Variants in GRID1 observed in about 807,000 individuals in gnomAD.
GRID1 encodes glutamate receptor ionotropic, delta-1.
In GRID1, 28 loss-of-function variants were observed where a neutral mutation model predicts 98.0. The observed-to-expected ratio is 0.29, with a 90% CI of 0.21 to 0.39. The LOEUF is 0.39. GRID1 is among the 10% of genes least tolerant of loss of function. The pLI, the probability that GRID1 is intolerant of heterozygous loss-of-function variation, is 1.00. For missense variants in GRID1, 1,111 were observed against 1,340.5 expected (o/e 0.83, Z 2.67); for synonymous variants, 553 against 538.5 (o/e 1.03, Z -0.37).
intron 8 of GRID1, among the ~76,000 whole-genome samples, chr10:85,782,106 A>C (rs1340973663): frequency 6.6e-6 from 1 of 152,250 alleles, no homozygotes; most frequent in East Asian, 1.9e-4. Flanking sequence ...ACATTTTTAA[A>C]ATGTTTACAA....
chr10:85,921,698 G>A (rs1704131250), intron 4 of GRID1, among the ~76,000 whole-genome samples: 1 of 152,198 alleles, frequency 6.6e-6, no homozygotes, highest in Non-Finnish European at 1.5e-5. Flanking sequence ...GGACCATATG[G>A]TGGTGAGGAT....
At chr10:86,244,060 A>C (rs576788867) in intron 2 of GRID1, among the ~76,000 whole-genome samples, 82 of 152,342 alleles carry the variant, frequency 5.4e-4, no homozygotes, top group Non-Finnish European at 1.1e-3. Context: ...ATACACAGGC[A>C]TGCAAACACA....
chr10:86,050,188 A>C (rs1843481910), intron 4 of GRID1, among the ~76,000 whole-genome samples: 1 of 152,236 alleles, frequency 6.6e-6, no homozygotes, highest in South Asian at 2.1e-4. Context: ...ACACTTTATA[A>C]GAAATGTCTG....
At chr10:85,853,592 G>A (rs187118439) in intron 8 of GRID1, among the ~76,000 whole-genome samples, 17 of 152,294 alleles carry the variant, frequency 1.1e-4, no homozygotes, top group East Asian at 9.7e-4. Flanking sequence ...GGCCTCTCCT[G>A]TACAGGCTAT....
intron 12 of GRID1, among the ~76,000 whole-genome samples, chr10:85,664,547 A>G (rs1398940632): frequency 1.3e-5 from 2 of 152,316 alleles, no homozygotes; most frequent in East Asian, 3.9e-4. Context: ...AAGCATTGTC[A>G]ACGTACCAGC....
At chr10:85,855,659 T>G (rs1045326561) in intron 7 of GRID1, among the ~76,000 whole-genome samples, 2 of 152,202 alleles carry the variant, frequency 1.3e-5, no homozygotes, top group Non-Finnish European at 2.9e-5. Context: ...ATGAGATACA[T>G]CACAAGCGCA....
intron 2 of GRID1, among the ~76,000 whole-genome samples, chr10:86,213,678 C>T (rs917056574): frequency 7.2e-5 from 11 of 152,056 alleles, no homozygotes; most frequent in African/African-American, 2.2e-4. Flanking sequence ...ACACTAAGCC[C>T]GGCCCTATTG....
chr10:86,259,872 C>A (rs1183320914), intron 2 of GRID1, among the ~76,000 whole-genome samples: 2 of 152,272 alleles, frequency 1.3e-5, no homozygotes, highest in African/African-American at 4.8e-5. Flanking sequence ...AGCAGTCCCT[C>A]TGAAGGTTCC....
chr10:86,126,053 G>A (rs1844747766), intron 4 of GRID1, among the ~76,000 whole-genome samples: 1 of 151,934 alleles, frequency 6.6e-6, no homozygotes. Flanking sequence ...TTGTTCAAGG[G>A]TCAACTGCAT....
chr10:85,883,785 G>C (rs1841072982), intron 5 of GRID1, among the ~76,000 whole-genome samples: 1 of 152,128 alleles, frequency 6.6e-6, no homozygotes, highest in Non-Finnish European at 1.5e-5. Context: ...GTAAATAGTG[G>C]AAACTGGGAT....
intron 12 of GRID1, among the ~76,000 whole-genome samples, chr10:85,681,667 G>A (rs1041186311): frequency 3.9e-5 from 6 of 152,130 alleles, no homozygotes; most frequent in East Asian, 1.9e-4. Flanking sequence ...CACCGCAGCT[G>A]AGGGTAATTA....
chr10:85,945,038 A>C (rs932627218), intron 4 of GRID1, among the ~76,000 whole-genome samples: 1 of 152,200 alleles, frequency 6.6e-6, no homozygotes, highest in Non-Finnish European at 1.5e-5. Context: ...CATGGCTTTG[A>C]GTTTCAAATG....
intron 2 of GRID1, among the ~76,000 whole-genome samples, chr10:86,346,139 T>A (rs1049595213): frequency 3.3e-5 from 5 of 152,162 alleles, no homozygotes; most frequent in African/African-American, 1.2e-4. Context: ...CTAGTGGCCA[T>A]AGTATGCAGA....
intron 8 of GRID1, among the ~76,000 whole-genome samples, chr10:85,755,736 G>A (rs570978709): frequency 1.3e-5 from 2 of 152,216 alleles, no homozygotes; most frequent in African/African-American, 2.4e-5. Context: ...CACACGTGTT[G>A]GGGCCCTGAC....
chr10:86,001,262 AGGTGGT>A (rs1483585146), intron 4 of GRID1, among the ~76,000 whole-genome samples: 3 of 152,172 alleles, frequency 2.0e-5, no homozygotes, highest in Non-Finnish European at 4.4e-5. Context: ...ATCCTGATTG[AGGTGGT>A]GATTCCATGA....
chr10:86,227,188 G>A (rs998741908), intron 2 of GRID1, among the ~76,000 whole-genome samples: 1 of 152,218 alleles, frequency 6.6e-6, no homozygotes, highest in Admixed American at 6.5e-5. Context: ...CCTGGGGAAA[G>A]GAGAAGCCTG....
In GRID1 at chr10:86,180,882, C is replaced by T. The variant is rs532876292; in HGVS notation, c.520+25482G>A. Among the ~76,000 whole-genome samples the T allele has an allele frequency of 2.4e-4, 37 of 152,334 alleles. 1 individual carries two copies. The South Asian group carries it at 7.7e-3, about 32-fold the overall frequency. On this transcript the variant is annotated intron_variant, in intron 3 of 15. Transcript: ENST00000327946. ...GGAGACCAGTGCCAGACCAGAGAGG[C>T]CAAAGGCTCTGTAAGGGAACTGGCA...
Position 85,770,334 on chromosome 10 carries a change from C to G in GRID1, c.1234-40720G>C, listed in dbSNP as rs572454876. 2.3e-4 allele frequency among the ~76,000 whole-genome samples: 35 copies of G among 152,172 alleles called. 1 individual carries two copies. In the South Asian group the frequency reaches 6.8e-3, roughly 30 times the overall value. On this transcript the variant is annotated intron_variant, in intron 8 of 15. Transcript: ENST00000327946. The stretch of plus-strand genomic sequence containing the variant: ...CACCAAAAACCCATCTATACATCAC[C>G]ATCATCAAAGACGAAAAGTAGATAA...
At chr10:86,034,034 G>A (rs1247416688) in intron 4 of GRID1, among the ~76,000 whole-genome samples, 1 of 152,174 alleles carries the variant, frequency 6.6e-6, no homozygotes, top group Non-Finnish European at 1.5e-5. Context: ...TACAACTTCA[G>A]AATTATAAAT....
Sources: gnomAD v4.1 joint callset for allele counts (sites outside exome capture counted in the v4.1 genomes callset) on GRCh38, gnomAD v4.1.1 for gene constraint, MANE v1.5 for transcripts, NCBI Gene and HGNC (gene_info 2026-07-23, HGNC 2026-07-21) for gene names.